Variants in HELB observed in about 807,000 individuals in gnomAD.
HELB encodes the protein DNA 5'-3' helicase B.
Under a neutral mutation model 101.7 loss-of-function variants are expected in HELB, and 96 were observed. The observed-to-expected ratio is 0.94, with a 90% CI of 0.80 to 1.12. The LOEUF is 1.12. HELB is among the 50% of genes most tolerant of loss of function. HELB has a pLI of 0.00. For missense variants in HELB, 1,210 were observed against 1,291.9 expected (o/e 0.94, Z 0.97); for synonymous variants, 437 against 459.7 (o/e 0.95, Z 0.63).
In HELB at chr12:66,310,176, G is replaced by A; in HGVS notation, c.1248G>A (p.Val416=). ...KPDEVRLENP[V]DVVDTQDNGD... ...ATGAAGTAAGATTAGAAAATCCTGT[G>A]GATGTTGTGGACACACAGGACAATG... Residue 416 remains valine (V), a synonymous_variant, in exon 4 of 13, where the codon GTG becomes GTA. Transcript: ENST00000247815. 1 of 1,614,174 alleles carries A rather than the reference G, an allele frequency of 6.2e-7. No homozygotes were observed. Among genetic ancestry groups the A allele is most frequent in the Non-Finnish European group, 8.5e-7 (1 of 1,180,020 alleles).
intron 9 of HELB, among the ~76,000 whole-genome samples, chr12:66,323,443 A>T (rs1027131058): frequency 4.6e-5 from 7 of 152,164 alleles, no homozygotes; most frequent in Admixed American, 4.6e-4. Context: ...GCGGGTATGG[A>T]CACAGAATTT....
intron 4 of HELB, among the ~76,000 whole-genome samples, chr12:66,311,819 C>T (rs1207215726): frequency 6.6e-6 from 1 of 152,024 alleles, no homozygotes; most frequent in East Asian, 1.9e-4. Flanking sequence ...TTCCTCTAGC[C>T]CTAGCCCTGA....
Position 66,331,540 on chromosome 12 carries a change from A to G in HELB, c.3057A>G (p.Leu1019=), listed in dbSNP as rs144427345. The G allele has an allele frequency of 3.7e-6, 6 of 1,614,178 alleles. No homozygotes were observed. The African/African-American group carries it at 6.7e-5, about 18-fold the overall frequency. The change falls in exon 12 of 13, where the codon TTA becomes TTG. Residue 1019 remains leucine (L), a synonymous_variant. Transcript: ENST00000247815. ...TCACCTTTGCTGAAAGATGGCAATT[A>G]TCTTCACCTGATGGAGTAGATACAG... ...RTLTFAERWQ[L]SSPDGVDTDD... is the part of the protein sequence containing the mutation.
intron 2 of HELB, 75 bp downstream of exon 2, chr12:66,305,225 C>G: frequency 1.1e-6 from 1 of 897,282 alleles, no homozygotes; most frequent in South Asian, 1.7e-5. Context: ...AATGTTACCA[C>G]TAGCATAGTA....
chr12:66,315,732 A>C (rs2136998413), intron 6 of HELB, among the ~76,000 whole-genome samples: 1 of 152,314 alleles, frequency 6.6e-6, no homozygotes, highest in South Asian at 2.1e-4. Flanking sequence ...TTGGGGAAGA[A>C]ATATCCCCTA....
intron 6 of HELB, among the ~76,000 whole-genome samples, chr12:66,315,593 TAAA>T (rs1230137244): frequency 6.6e-6 from 1 of 152,228 alleles, no homozygotes; most frequent in Non-Finnish European, 1.5e-5. Context: ...TATTGAAATT[TAAA>T]AATGGATGAG....
At chr12:66,340,795 C>CA (rs1445923032), downstream of HELB, 1 of 152,672 alleles carries the variant, frequency 6.5e-6, no homozygotes, top group African/African-American at 2.4e-5. Context: ...GAGCCTAGGC[C>CA]AGTCTCGCCT....
At position 66,330,563 on chromosome 12, in the gene HELB, C is replaced by CTA. The variant is rs1179443357; in HGVS notation, c.2671-578_2671-577dup. 8.2e-4 allele frequency among the ~76,000 whole-genome samples: 120 copies of CTA among 146,840 alleles called. 1 individual carries two copies. Among genetic ancestry groups the CTA allele is most frequent in the African/African-American group, 1.9e-3 (78 of 40,320 alleles). ...TGTGTGTGTGTATCTATCTATCTGT[C>CTA]TATATATATATATAGATATATATAT... On this transcript the variant is annotated intron_variant, in intron 11 of 12. Coordinates refer to ENST00000247815, the MANE Select transcript of HELB (RefSeq NM_001370285.1).
intron 7 of HELB, among the ~76,000 whole-genome samples, chr12:66,321,027 G>C (rs1332381841): frequency 6.6e-6 from 1 of 152,196 alleles, no homozygotes; most frequent in Non-Finnish European, 1.5e-5. Flanking sequence ...TTGAGGGTGA[G>C]CTGAGTCTTG....
rs780301116 is a variant in HELB, at chr12:66,310,596, C to T, written c.1668C>T (p.Tyr556=). Reference sequence around the variant, plus strand: ...GACAGAAAACTGGTCTTCATGCCTACACACTGTGTCAGGTAAAACCTTTGA... The same window carrying T: ...GACAGAAAACTGGTCTTCATGCCTATACACTGTGTCAGGTAAAACCTTTGA... ...LLRQKTGLHA[Y]TLCQVNYSFY... is the part of the protein sequence containing the mutation. Residue 556 remains tyrosine, a synonymous_variant, in exon 4 of 13, where the codon TAC becomes TAT. Transcript: ENST00000247815. The T allele has an allele frequency of 6.2e-7, 1 of 1,609,062 alleles. No individual in the cohort carries two copies.
chr12:66,310,897 T>C (rs2053536839), intron 4 of HELB, among the ~76,000 whole-genome samples: 1 of 152,252 alleles, frequency 6.6e-6, no homozygotes, highest in South Asian at 2.1e-4. Flanking sequence ...ACCACTGCGC[T>C]CCAGCCTGGG....
intron 11 of HELB, among the ~76,000 whole-genome samples, chr12:66,325,942 C>G (rs2053732273): frequency 6.6e-6 from 1 of 152,070 alleles, no homozygotes; most frequent in Non-Finnish European, 1.5e-5. Flanking sequence ...TTTTCATATA[C>G]CTTTCACCCA....
chr12:66,309,398 T>C (rs1342492705), intron 3 of HELB, among the ~76,000 whole-genome samples: 18 of 152,244 alleles, frequency 1.2e-4, no homozygotes, highest in Non-Finnish European at 2.5e-4. Context: ...AACTAAAGTG[T>C]TGGAGATGTT....
intron 7 of HELB, among the ~76,000 whole-genome samples, chr12:66,320,239 A>G (rs527649698): frequency 6.6e-6 from 1 of 152,256 alleles, no homozygotes; most frequent in Non-Finnish European, 1.5e-5. Context: ...TTGAAGTAAG[A>G]ATTAATGTTC....
intron 11 of HELB, among the ~76,000 whole-genome samples, chr12:66,327,184 T>G (rs1463070737): frequency 6.6e-6 from 1 of 151,268 alleles, no homozygotes; most frequent in Non-Finnish European, 1.5e-5. Flanking sequence ...TTTGCTAATG[T>G]CGATTGCAGA....
In HELB at chr12:66,338,098, C is replaced by G. The variant is rs199608348; in HGVS notation, c.3260C>G (p.Thr1087Ser). ...TTCAAGCCCACCGATAATCAAGAAA[C>G]TTAGTTTTATTTCAAATTGTTCCGA... ...QLFKPTDNQE[T>S] The change falls in exon 13 of 13, where the codon ACT becomes AGT. Residue 1087 changes from threonine to serine, a missense_variant. Transcript: ENST00000247815. 17 of 1,503,562 alleles carry G rather than the reference C, an allele frequency of 1.1e-5. No homozygotes were observed. Among genetic ancestry groups the G allele is most frequent in the Admixed American group, 1.7e-5 (1 of 59,226 alleles). The allele number at this position is 1,503,562 out of a possible 1,614,324, so 93.1% of individuals were successfully genotyped here.
intron 6 of HELB, among the ~76,000 whole-genome samples, chr12:66,317,018 CAAAAAAAAAAA>C (rs35841295): frequency 2.5e-5 from 2 of 81,514 alleles, no homozygotes; most frequent in Admixed American, 1.5e-4. Flanking sequence ...GACTCCATCT[CAAAAAAAAAAA>C]AAAAAAAAAA....
chr12:66,333,243 G>T (rs993652283), intron 12 of HELB, among the ~76,000 whole-genome samples: 2 of 152,144 alleles, frequency 1.3e-5, no homozygotes, highest in Non-Finnish European at 2.9e-5. Flanking sequence ...AGGGGGTGTG[G>T]TGGGCAGGAG....
At chr12:66,319,881 G>T (rs77200063) in intron 7 of HELB, among the ~76,000 whole-genome samples, 104,732 of 149,406 alleles carry the variant, frequency 0.7, 37,108 homozygotes, top group Middle Eastern at 0.83. Context: ...TGCTTTTTTG[G>T]TTTTTTTTGT....
Sources: allele counts gnomAD v4.1 joint callset (sites outside exome capture counted in the v4.1 genomes callset), GRCh38; gene constraint gnomAD v4.1.1; transcripts MANE v1.5; gene names NCBI Gene and HGNC (gene_info 2026-07-23, HGNC 2026-07-21).